The following PSPC1 variants were observed in gnomAD, a reference collection of about 807,000 sequenced individuals.
PSPC1 encodes paraspeckle component 1.
PSPC1 carries 14 observed loss-of-function variants against 51.6 expected under a neutral mutation model. The ratio of observed to expected loss-of-function variants is 0.27; its 90% CI spans 0.18 to 0.42. The LOEUF (loss-of-function observed/expected upper bound fraction) is 0.42, where lower values mean the gene tolerates loss of function less well. Ranked by LOEUF, PSPC1 falls within the 10% of genes least tolerant of loss-of-function variation. The pLI, the probability that PSPC1 is intolerant of heterozygous loss-of-function variation, is 1.00. For synonymous variants in PSPC1, 193 were observed against 231.9 expected (o/e 0.83, Z 1.53); for missense variants, 406 against 701.1 (o/e 0.58, Z 4.75).
At chr13:19,701,904 T>A (rs1258014837), downstream of PSPC1, among the ~76,000 whole-genome samples, 1 of 152,202 alleles carries the variant, frequency 6.6e-6, no homozygotes, top group African/African-American at 2.4e-5. Context: ...TAAATAAACA[T>A]GACCAACATA....
chr13:19,719,834 TAAA>T (rs796931593), intron 6 of PSPC1, among the ~76,000 whole-genome samples: 2 of 152,038 alleles, frequency 1.3e-5, no homozygotes, highest in African/African-American at 2.4e-5. Context: ...AATTAATTGT[TAAA>T]GAAGCTTCTA....
At chr13:19,707,513 G>T (rs1030386308) in intron 7 of PSPC1, among the ~76,000 whole-genome samples, 1 of 152,132 alleles carries the variant, frequency 6.6e-6, no homozygotes, top group African/African-American at 2.4e-5. Flanking sequence ...AACCCAACTG[G>T]ATGATAATGA....
In PSPC1 at chr13:19,774,714, A is replaced by G. The variant is rs573522085; in HGVS notation, c.373-2171T>C. 7.9e-5 allele frequency among the ~76,000 whole-genome samples: 12 copies of G among 151,636 alleles called. No homozygotes were observed. The East Asian group carries it at 1.9e-3, about 25-fold the overall frequency. On this transcript the variant is annotated intron_variant, in intron 1 of 8. Transcript: ENST00000338910. ...CAGCTACTTGGGGGACTGAGGTGGG[A>G]GAATCTCTTGAACCCAGAAGGCAGA...
chr13:19,709,058 G>T lies in PSPC1; in HGVS notation c.1216+484C>A, dbSNP rs867179309. 8.1e-5 allele frequency among the ~76,000 whole-genome samples: 12 copies of T among 148,156 alleles called. No homozygotes were observed. The South Asian group carries it at 1.8e-3, about 22-fold the overall frequency. On this transcript the variant is annotated intron_variant, in intron 7 of 8. Coordinates refer to ENST00000338910, the MANE Select transcript of PSPC1 (RefSeq NM_001354909.2). ...ACATGCCTGTAGTCCCAGCTACTTG[G>T]TAAGATGGAAGGACCACTTGAGCCC...
chr13:19,679,858 C>A (rs1877077542), intron 6 of PSPC1, among the ~76,000 whole-genome samples: 1 of 152,160 alleles, frequency 6.6e-6, no homozygotes, highest in Non-Finnish European at 1.5e-5. Context: ...TCACTTAATC[C>A]TTCTCAATAA....
intron 6 of PSPC1, among the ~76,000 whole-genome samples, chr13:19,683,612 C>G (rs2609692): frequency 6.6e-6 from 1 of 152,046 alleles, no homozygotes; most frequent in African/African-American, 2.4e-5. Context: ...ACCCTAAATT[C>G]TAAAACGCAA....
At chr13:19,778,105 G>GAA (rs1889367464) in intron 1 of PSPC1, among the ~76,000 whole-genome samples, 1 of 151,672 alleles carries the variant, frequency 6.6e-6, no homozygotes, top group Non-Finnish European at 1.5e-5. Context: ...AGCTGGGCGT[G>GAA]GTTGCATGCG....
chr13:19,782,701 A>T lies in PSPC1; in HGVS notation c.57T>A (p.Leu19=). 6.4e-7 allele frequency: 1 copy of T among 1,572,380 alleles called. No homozygotes were observed. Among genetic ancestry groups the T allele is most frequent in the Non-Finnish European group, 8.6e-7 (1 of 1,169,088 alleles). The change falls in exon 1 of 9, where the codon CTT becomes CTA. Residue 19 remains leucine, a synonymous_variant. Coordinates refer to ENST00000338910, the MANE Select transcript of PSPC1 (RefSeq NM_001354909.2). This position sits in a 1 kb window ranked among gnomAD's most constrained non-coding sequence, Gnocchi z 4.5. ...CGCCCACCGCGGACTCCAGGGCGCG[A>T]AGGCGGGCCGGGTTTTTCTCAATGC... ...QVRIEKNPAR[L]RALESAVGES... is the part of the protein sequence containing the mutation.
chr13:19,717,010 TGAAA>T (rs1299029418), intron 6 of PSPC1, among the ~76,000 whole-genome samples: 3 of 150,840 alleles, frequency 2.0e-5, no homozygotes, highest in Non-Finnish European at 4.4e-5. Context: ...GCCATGATGG[TGAAA>T]CCCCATCTCT....
intron 1 of PSPC1, among the ~76,000 whole-genome samples, chr13:19,774,974 A>T (rs1387317574): frequency 6.6e-6 from 1 of 152,036 alleles, no homozygotes; most frequent in African/African-American, 2.4e-5. Context: ...CAGGAGTTTA[A>T]GACCAGCCTA....
chr13:19,694,523 G>GT (rs1878981738), intron 6 of PSPC1, among the ~76,000 whole-genome samples: 1 of 152,052 alleles, frequency 6.6e-6, no homozygotes, highest in East Asian at 1.9e-4. Flanking sequence ...TCTTTTCTTC[G>GT]TAAGTCTGCA....
chr13:19,766,560 C>T lies in PSPC1; in HGVS notation c.674+5682G>A, dbSNP rs1170707215. 2.6e-5 allele frequency among the ~76,000 whole-genome samples: 4 copies of T among 152,038 alleles called. No individual in the cohort carries two copies. The East Asian group carries it at 7.7e-4, about 29-fold the overall frequency. On this transcript the variant is annotated intron_variant, in intron 2 of 8. Coordinates refer to ENST00000338910, the MANE Select transcript of PSPC1 (RefSeq NM_001354909.2). The stretch of plus-strand genomic sequence containing the variant: ...ATTAGCCAAGTCTGGTGGCACATGC[C>T]TGTGGTCCCAGCTACTCGGAAGGCT...
intron 6 of PSPC1, among the ~76,000 whole-genome samples, chr13:19,695,877 G>C (rs2137674832): frequency 6.6e-6 from 1 of 151,790 alleles, no homozygotes; most frequent in African/African-American, 2.4e-5. Context: ...AAAAAGTCTG[G>C]TATCAACATA....
At chr13:19,688,896 A>G (rs957461707) in intron 6 of PSPC1, among the ~76,000 whole-genome samples, 1 of 152,034 alleles carries the variant, frequency 6.6e-6, no homozygotes, top group African/African-American at 2.4e-5. Context: ...ATATGGCATC[A>G]AAGACACATT....
chr13:19,764,969 C>T (rs1473389650), intron 2 of PSPC1, among the ~76,000 whole-genome samples: 2 of 151,690 alleles, frequency 1.3e-5, no homozygotes, highest in South Asian at 2.1e-4. Flanking sequence ...ATTTTTAAAA[C>T]GAAGAATGTG....
At chr13:19,709,936 G>C (rs936781474) in intron 6 of PSPC1, among the ~76,000 whole-genome samples, 3 of 151,930 alleles carry the variant, frequency 2.0e-5, no homozygotes, top group African/African-American at 7.2e-5. Context: ...ATCTAGTAAT[G>C]ATAACCACCA....
chr13:19,756,525 G>A (rs112441888), intron 3 of PSPC1, among the ~76,000 whole-genome samples: 17 of 151,284 alleles, frequency 1.1e-4, no homozygotes, highest in East Asian at 2.0e-4. Flanking sequence ...TTTTTGAGAC[G>A]GAGTCTCACT....
intron 3 of PSPC1, among the ~76,000 whole-genome samples, chr13:19,753,099 G>A (rs9285085): frequency 6.6e-6 from 1 of 151,778 alleles, no homozygotes; most frequent in South Asian, 2.1e-4. Context: ...TGGCCAACAT[G>A]GCGAAACCGC....
intron 4 of PSPC1, among the ~76,000 whole-genome samples, chr13:19,745,133 C>CT (rs1885832850): frequency 6.6e-6 from 1 of 152,054 alleles, no homozygotes; most frequent in Non-Finnish European, 1.5e-5. Context: ...GCCTGGCCAA[C>CT]ATGGCAAAAT....
Sources: gnomAD v4.1 joint callset for allele counts (sites outside exome capture counted in the v4.1 genomes callset) on GRCh38, gnomAD v4.1.1 for gene constraint, Gnocchi (gnomAD v3.1) non-coding constraint, MANE v1.5 for transcripts, NCBI Gene and HGNC (gene_info 2026-07-23, HGNC 2026-07-21) for gene names.